Variants in RAP1GDS1 observed in about 807,000 individuals in gnomAD.
RAP1GDS1 encodes the protein Rap1 GTPase-GDP dissociation stimulator 1.
RAP1GDS1 carries 35 observed loss-of-function variants against 71.1 expected under a neutral mutation model. That is an observed-to-expected ratio of 0.49 (90% CI 0.38 to 0.65). The LOEUF is 0.65. RAP1GDS1 is among the 30% of genes least tolerant of loss of function. The pLI, the probability that RAP1GDS1 is intolerant of heterozygous loss-of-function variation, is 0.00. For synonymous variants in RAP1GDS1, 229 were observed against 243.1 expected (o/e 0.94, Z 0.54); for missense variants, 663 against 706.1 (o/e 0.94, Z 0.69).
At chr4:98,366,749 C>T (rs1490599928) in intron 4 of RAP1GDS1, among the ~76,000 whole-genome samples, 4 of 152,086 alleles carry the variant, frequency 2.6e-5, no homozygotes, top group Non-Finnish European at 5.9e-5. Context: ...CAGCATTTTG[C>T]CCCTGCCCTA....
chr4:98,287,381 C>T (rs575924153), intron 1 of RAP1GDS1, among the ~76,000 whole-genome samples: 1 of 152,204 alleles, frequency 6.6e-6, no homozygotes, highest in South Asian at 2.1e-4. Flanking sequence ...ACACATAGGA[C>T]AGGTTGATTA....
In RAP1GDS1 at chr4:98,437,031, T is replaced by C. The variant is rs1751233638; in HGVS notation, c.1659T>C (p.Tyr553=). 6.2e-7 allele frequency: 1 copy of C among 1,612,624 alleles called. No homozygotes were observed. The highest frequency in any genetic ancestry group is 1.3e-5 in the African/African-American group (1 of 75,006). ...AGAGAAGTGCTCCTGAAATCAAATA[T>C]AATTCCATGGTCCTGATATGTGCTC... ...ADERSAPEIK[Y]NSMVLICALM... Residue 553 remains tyrosine (Y), a synonymous_variant, in exon 14 of 15, where the codon TAT becomes TAC. Coordinates refer to ENST00000408927, the MANE Select transcript of RAP1GDS1 (RefSeq NM_001100427.2).
chr4:98,343,068 A>G (rs1391069668), intron 2 of RAP1GDS1, 71 bp from the exon 3 acceptor site: 2 of 1,437,880 alleles, frequency 1.4e-6, no homozygotes, highest in Non-Finnish European at 1.9e-6. Context: ...TGAAGAATTT[A>G]TTGTAGATAA....
At chr4:98,288,302 A>G (rs945923651) in intron 1 of RAP1GDS1, among the ~76,000 whole-genome samples, 12 of 152,114 alleles carry the variant, frequency 7.9e-5, no homozygotes, top group Non-Finnish European at 1.5e-4. Context: ...TGTCCTTGCC[A>G]TAGTTTGCTG....
At chr4:98,381,831 G>A (rs1742064462) in intron 5 of RAP1GDS1, among the ~76,000 whole-genome samples, 1 of 151,286 alleles carries the variant, frequency 6.6e-6, no homozygotes, top group Non-Finnish European at 1.5e-5. Flanking sequence ...TTTAAAGTAT[G>A]CTTATAAAAA....
intron 2 of RAP1GDS1, among the ~76,000 whole-genome samples, chr4:98,298,413 A>C (rs1174041235): frequency 7.2e-5 from 11 of 152,062 alleles, no homozygotes; most frequent in Non-Finnish European, 1.6e-4. Context: ...GGACAGGCTG[A>C]CTCTCTTATT....
rs147916888 is a variant in RAP1GDS1, at chr4:98,428,730, A to T, written c.1441-5206A>T. On this transcript the variant is annotated intron_variant, in intron 12 of 14. Transcript: ENST00000408927. ...GATGCAGTGAATAGGGAATACTTCT[A>T]CACTGCTGGTGGGAATGTAAACTAA... 4.3e-3 allele frequency among the ~76,000 whole-genome samples: 655 copies of T among 152,338 alleles called. 5 individuals are homozygous for T. Among genetic ancestry groups the T allele is most frequent in the African/African-American group, 0.015 (615 of 41,584 alleles).
At chr4:98,355,440 A>T (rs1737815831) in intron 4 of RAP1GDS1, among the ~76,000 whole-genome samples, 1 of 152,152 alleles carries the variant, frequency 6.6e-6, no homozygotes, top group Non-Finnish European at 1.5e-5. Flanking sequence ...TTTATTCAGG[A>T]TGATAGTAGG....
intron 2 of RAP1GDS1, among the ~76,000 whole-genome samples, chr4:98,310,735 G>A (rs1186226585): frequency 2.0e-5 from 3 of 152,036 alleles, no homozygotes; most frequent in Middle Eastern, 3.4e-3. Context: ...TAGCCACCAA[G>A]CCACATATGG....
chr4:98,296,320 A>G (rs1727743447), intron 2 of RAP1GDS1, among the ~76,000 whole-genome samples: 4 of 152,104 alleles, frequency 2.6e-5, no homozygotes, highest in Admixed American at 2.6e-4. Flanking sequence ...GTGCATTTGA[A>G]TTGCATATTA....
At chr4:98,270,760 C>T (rs1408442101) in intron 1 of RAP1GDS1, among the ~76,000 whole-genome samples, 1 of 151,742 alleles carries the variant, frequency 6.6e-6, no homozygotes, top group Non-Finnish European at 1.5e-5. Context: ...AAGTGAGTTG[C>T]CTCTCCTGCC....
intron 2 of RAP1GDS1, among the ~76,000 whole-genome samples, chr4:98,296,445 A>T (rs563469994): frequency 2.0e-5 from 3 of 152,106 alleles, no homozygotes; most frequent in Non-Finnish European, 4.4e-5. Flanking sequence ...ATATGTGTCT[A>T]TCTTAAGAGA....
chr4:98,360,612 T>C (rs893920599), intron 4 of RAP1GDS1, among the ~76,000 whole-genome samples: 2 of 152,218 alleles, frequency 1.3e-5, no homozygotes, highest in African/African-American at 4.8e-5. Flanking sequence ...TATTATCCTC[T>C]GCTCTTTTTA....
At position 98,293,522 on chromosome 4, in the gene RAP1GDS1, T is replaced by C. The variant is rs1419707611; in HGVS notation, c.112+7T>C. The C allele has an allele frequency of 6.3e-7, 1 of 1,584,322 alleles. No homozygotes were observed. Among genetic ancestry groups the C allele is most frequent in the African/African-American group, 1.4e-5 (1 of 73,764 alleles). ...CAAGCCCTGGCTCAAAATAGTAAGT[T>C]TCATTATGTTTACTCAAATTCCAAA... is the stretch of plus-strand genomic sequence containing the variant. On this transcript the variant is annotated splice_region_variant and intron_variant, in intron 2 of 14. Transcript: ENST00000408927.
intron 1 of RAP1GDS1, among the ~76,000 whole-genome samples, chr4:98,278,837 A>AT (rs994322787): frequency 1.3e-5 from 2 of 152,086 alleles, no homozygotes; most frequent in Non-Finnish European, 2.9e-5. Context: ...GATCTGTTGG[A>AT]TTTTTTCTTT....
intron 2 of RAP1GDS1, among the ~76,000 whole-genome samples, chr4:98,299,641 G>GT (rs1194021798): frequency 0.013 from 1,903 of 144,912 alleles, 38 homozygotes; most frequent in East Asian, 0.063. Context: ...ATTTGCTTTG[G>GT]TTTTTTTTTT....
rs189206746 is a variant in RAP1GDS1, at chr4:98,422,532, A to G, written c.1440+1138A>G. On this transcript the variant is annotated intron_variant, in intron 12 of 14. Coordinates refer to ENST00000408927, the MANE Select transcript of RAP1GDS1 (RefSeq NM_001100427.2). The stretch of plus-strand genomic sequence containing the variant: ...TGCCCAGCCTTTAATACTGTTTTCT[A>G]AGGTGACCCTTTCAGTCATTTCTCT... Among the ~76,000 whole-genome samples, 394 of 152,240 alleles carry G rather than the reference A, an allele frequency of 2.6e-3. 1 individual carries two copies. Among genetic ancestry groups the G allele is most frequent in the South Asian group, 4.8e-3 (23 of 4,828 alleles).
chr4:98,418,561 A>G lies in RAP1GDS1; in HGVS notation c.1040-96A>G, dbSNP rs1400983371. The G allele has an allele frequency of 9.8e-6, 11 of 1,120,304 alleles. No homozygotes were observed. In the Admixed American group the frequency reaches 2.9e-4, roughly 29 times the overall value. 69.4% of individuals were successfully genotyped at this position (1,120,304 alleles called of 1,614,324 possible). A position where few individuals can be genotyped will look rare whatever the true frequency, so the allele number is the denominator to read the frequency against. ...GGAATTCATTTTATTGTATAGCTCCATTTTCCCTAATGTAGATAATAGCCA... is the reference window on the plus strand; with the variant it reads ...GGAATTCATTTTATTGTATAGCTCCGTTTTCCCTAATGTAGATAATAGCCA... On this transcript the variant is annotated intron_variant, in intron 9 of 14. Transcript: ENST00000408927.
intron 7 of RAP1GDS1, among the ~76,000 whole-genome samples, chr4:98,416,334 GTTTTTTTTTTTTT>G (rs70955932): frequency 1.7e-4 from 9 of 51,570 alleles, no homozygotes; most frequent in South Asian, 7.6e-4. Flanking sequence ...CATTTTCTTA[GTTTTTTTTTTTTT>G]TTTTTTTTTT....
Sources: gnomAD v4.1 joint callset for allele counts (sites outside exome capture counted in the v4.1 genomes callset) on GRCh38, gnomAD v4.1.1 for gene constraint, MANE v1.5 for transcripts, NCBI Gene and HGNC (gene_info 2026-07-23, HGNC 2026-07-21) for gene names.